Variants in OR5H14 observed in about 807,000 individuals in gnomAD.
OR5H14 encodes olfactory receptor 5H14.
For synonymous variants in OR5H14, 155 were observed against 130.6 expected (o/e 1.19, Z -1.28); for missense variants, 392 against 363.9 (o/e 1.08, Z -0.63).
chr3:98,153,591 AAAAG>A lies in OR5H14; in HGVS notation c.*3278_*3281del, dbSNP rs1329453539. On this transcript the variant is annotated 3_prime_UTR_variant, in exon 2 of 2. Coordinates refer to ENST00000641380, the MANE Select transcript of OR5H14 (RefSeq NM_001005514.2). Reference sequence around the variant, plus strand: ...GAGTGAGACACTGTCTCAGAAAAAGAAAAGAAAGTTAGTGGTTATAGCAATCTAT... The same window carrying A: ...GAGTGAGACACTGTCTCAGAAAAAGAAAAGTTAGTGGTTATAGCAATCTAT... 1 of 152,212 alleles carries A rather than the reference AAAAG, an allele frequency of 6.6e-6. No individual in the cohort carries two copies. Among genetic ancestry groups the A allele is most frequent in the African/African-American group, 2.4e-5 (1 of 41,460 alleles). The allele number at this position is 152,212 out of a possible 1,614,324, so 9.4% of individuals were successfully genotyped here. A position where few individuals can be genotyped will look rare whatever the true frequency, so the allele number is the denominator to read the frequency against.
intron 1 of OR5H14, 92 bp from the exon 2 acceptor site, chr3:98,149,276 T>C (rs1708463475): frequency 7.5e-7 from 1 of 1,330,012 alleles, no homozygotes; most frequent in Admixed American, 2.3e-5. Flanking sequence ...GAGTCTCTGA[T>C]AATTGCACAC....
In OR5H14 at chr3:98,152,043, T is replaced by C. The variant is rs1305554419; in HGVS notation, c.*1725T>C. The C allele has an allele frequency of 2.0e-5, 3 of 152,152 alleles. No individual in the cohort carries two copies. Among genetic ancestry groups the C allele is most frequent in the Non-Finnish European group, 4.4e-5 (3 of 68,014 alleles). 9.4% of individuals were successfully genotyped at this position (152,152 alleles called of 1,614,324 possible). A position where few individuals can be genotyped will look rare whatever the true frequency, so the allele number is the denominator to read the frequency against. Reference sequence around the variant, plus strand: ...AAGACATTTATGCAACCAGCAAGCATGTGAAAACCTTGTCATCACTGGTCA... The same window carrying C: ...AAGACATTTATGCAACCAGCAAGCACGTGAAAACCTTGTCATCACTGGTCA... On this transcript the variant is annotated 3_prime_UTR_variant, in exon 2 of 2. Coordinates refer to ENST00000641380, the MANE Select transcript of OR5H14 (RefSeq NM_001005514.2).
At position 98,150,431 on chromosome 3, in the gene OR5H14, G is replaced by T. The variant is rs57747294; in HGVS notation, c.*113G>T. 1.6e-6 allele frequency: 1 copy of T among 617,778 alleles called. No individual in the cohort carries two copies. The allele number at this position is 617,778 out of a possible 1,614,324, so 38.3% of individuals were successfully genotyped here. On this transcript the variant is annotated 3_prime_UTR_variant, in exon 2 of 2. Coordinates refer to ENST00000641380, the MANE Select transcript of OR5H14 (RefSeq NM_001005514.2). ...ATTTTGCAATTATAACTGTCCTAGC[G>T]CTTTAATGACCTATGATATAAGCAC...
Position 98,149,930 on chromosome 3 carries a change from T to A in OR5H14, c.545T>A (p.Ile182Asn). The change falls in exon 2 of 2, where the codon ATC (isoleucine) becomes AAC (asparagine). Residue 182 changes from isoleucine (I) to asparagine (N), a missense_variant. Coordinates refer to ENST00000641380, the MANE Select transcript of OR5H14 (RefSeq NM_001005514.2). The stretch of plus-strand genomic sequence containing the variant: ...ATACAACACTTTTACTGTGACATTA[T>A]CCCATTGTTAAAGATTTCTTATACT... ...NIIQHFYCDIIPLLKISYTDS... is the reference protein window; with the variant it reads ...NIIQHFYCDINPLLKISYTDS... The A allele has an allele frequency of 6.2e-7, 1 of 1,613,490 alleles. No homozygotes were observed. Among genetic ancestry groups the A allele is most frequent in the Non-Finnish European group, 8.5e-7 (1 of 1,179,696 alleles).
Position 98,150,333 on chromosome 3 carries a change from C to A in OR5H14, c.*15C>A, listed in dbSNP as rs767580730. 2 of 1,469,590 alleles carry A rather than the reference C, an allele frequency of 1.4e-6. No individual in the cohort carries two copies. Among genetic ancestry groups the A allele is most frequent in the African/African-American group, 1.4e-5 (1 of 70,276 alleles). 91.0% of individuals were successfully genotyped at this position (1,469,590 alleles called of 1,614,324 possible). A position where few individuals can be genotyped will look rare whatever the true frequency, so the allele number is the denominator to read the frequency against. The stretch of plus-strand genomic sequence containing the variant: ...ATGATGTTTAGATCATTACTAATAT[C>A]TCTTTTCTATTTACTAAAATGTCAC... On this transcript the variant is annotated 3_prime_UTR_variant, in exon 2 of 2. Coordinates refer to ENST00000641380, the MANE Select transcript of OR5H14 (RefSeq NM_001005514.2).
chr3:98,149,574 T>C lies in OR5H14; in HGVS notation c.189T>C (p.Leu63=), dbSNP rs77954988. ...PHLHIPMYLL[L]GNLAFVDALL... is the part of the protein sequence containing the mutation. The stretch of plus-strand genomic sequence containing the variant: ...TTCATATCCCAATGTACTTACTCCT[T>C]GGGAATTTAGCTTTTGTGGATGCTT... Residue 63 remains leucine, a synonymous_variant, in exon 2 of 2, where the codon CTT becomes CTC. Coordinates refer to ENST00000641380, the MANE Select transcript of OR5H14 (RefSeq NM_001005514.2). 10,091 of 1,613,474 alleles carry C rather than the reference T, an allele frequency of 6.3e-3. 388 individuals are homozygous for C. The African/African-American group carries it at 0.099, about 16-fold the overall frequency.
rs753253332 is a variant in OR5H14, at chr3:98,149,535, G to A, written c.150G>A (p.Trp50Ter). ...ATCTTGGTCTGATTGCTGTCATCTGGAAAGACCCTCATCTTCATATCCCAA... is the reference window on the plus strand; with the variant it reads ...ATCTTGGTCTGATTGCTGTCATCTGAAAAGACCCTCATCTTCATATCCCAA... ...MGNLGLIAVI[W>*]KDPHLHIPMY... Residue 50 changes from tryptophan (W) to a stop codon, truncating the protein, a stop_gained, in exon 2 of 2, where the codon TGG (tryptophan) becomes TGA (stop). Coordinates refer to ENST00000641380, the MANE Select transcript of OR5H14 (RefSeq NM_001005514.2). LOFTEE classifies it low-confidence loss of function (END_TRUNC). 2.5e-6 allele frequency: 4 copies of A among 1,613,354 alleles called. No individual in the cohort carries two copies. Among genetic ancestry groups the A allele is most frequent in the Non-Finnish European group, 3.4e-6 (4 of 1,179,574 alleles).
Position 98,154,433 on chromosome 3 carries a change from A to G in OR5H14, c.*4115A>G, listed in dbSNP as rs1708555396. 2 of 152,242 alleles carry G rather than the reference A, an allele frequency of 1.3e-5. No individual in the cohort carries two copies. Among genetic ancestry groups the G allele is most frequent in the Non-Finnish European group, 2.9e-5 (2 of 68,044 alleles). 9.4% of individuals were successfully genotyped at this position (152,242 alleles called of 1,614,324 possible). A position where few individuals can be genotyped will look rare whatever the true frequency, so the allele number is the denominator to read the frequency against. On this transcript the variant is annotated 3_prime_UTR_variant, in exon 2 of 2. Coordinates refer to ENST00000641380, the MANE Select transcript of OR5H14 (RefSeq NM_001005514.2). ...CTGGAAGAATTCTAAATTCCACAGA[A>G]AATGTCTGGCACTTTTGTTTGGGAC...
Position 98,150,334 on chromosome 3 carries a change from T to A in OR5H14, c.*16T>A. ...TGATGTTTAGATCATTACTAATATCTCTTTTCTATTTACTAAAATGTCACA... is the reference window on the plus strand; with the variant it reads ...TGATGTTTAGATCATTACTAATATCACTTTTCTATTTACTAAAATGTCACA... On this transcript the variant is annotated 3_prime_UTR_variant, in exon 2 of 2. Transcript: ENST00000641380. 1 of 1,459,332 alleles carries A rather than the reference T, an allele frequency of 6.9e-7. No homozygotes were observed. Among genetic ancestry groups the A allele is most frequent in the Non-Finnish European group, 9.2e-7 (1 of 1,090,802 alleles). The allele number at this position is 1,459,332 out of a possible 1,614,324, so 90.4% of individuals were successfully genotyped here.
Position 98,153,215 on chromosome 3 carries a change from A to T in OR5H14, c.*2897A>T, listed in dbSNP as rs1708532733. On this transcript the variant is annotated 3_prime_UTR_variant, in exon 2 of 2. Coordinates refer to ENST00000641380, the MANE Select transcript of OR5H14 (RefSeq NM_001005514.2). ...ACAATGATGACCCCTTGAGGAAAATACCAAGGAACTGGGGAGTACTCCATA... is the reference window on the plus strand; with the variant it reads ...ACAATGATGACCCCTTGAGGAAAATTCCAAGGAACTGGGGAGTACTCCATA... 6.6e-6 allele frequency: 1 copy of T among 152,238 alleles called. No homozygotes were observed. Among genetic ancestry groups the T allele is most frequent in the South Asian group, 2.1e-4 (1 of 4,832 alleles). The allele number at this position is 152,238 out of a possible 1,614,324, so 9.4% of individuals were successfully genotyped here. A position where few individuals can be genotyped will look rare whatever the true frequency, so the allele number is the denominator to read the frequency against.
In OR5H14 at chr3:98,149,680, A is replaced by T. The variant is rs149199670; in HGVS notation, c.295A>T (p.Ile99Leu). 1,455 of 1,613,390 alleles carry T rather than the reference A, an allele frequency of 9.0e-4. 1 individual carries two copies. Among genetic ancestry groups the T allele is most frequent in the Middle Eastern group, 3.8e-3 (23 of 6,046 alleles). The change falls in exon 2 of 2, where the codon ATA (isoleucine) becomes TTA (leucine). Residue 99 changes from isoleucine (I) to leucine (L), a missense_variant. Coordinates refer to ENST00000641380, the MANE Select transcript of OR5H14 (RefSeq NM_001005514.2). The part of the protein sequence containing the change: ...SKMISLSECK[I>L]QLFSFAISVT... The stretch of plus-strand genomic sequence containing the variant: ...GATGATATCTCTCTCTGAATGCAAG[A>T]TACAGTTGTTTTCGTTTGCAATCAG...
intron 1 of OR5H14, 168 bp from the exon 2 acceptor site, chr3:98,149,200 A>G (rs914172091): frequency 2.7e-6 from 2 of 754,004 alleles, no homozygotes; most frequent in Non-Finnish European, 2.1e-6. Flanking sequence ...AAACTAAAAT[A>G]TGACATTTTT....
chr3:98,156,263 A>G lies in OR5H14; in HGVS notation c.*5945A>G, dbSNP rs1216375274. 6.6e-6 allele frequency: 1 copy of G among 152,168 alleles called. No homozygotes were observed. Among genetic ancestry groups the G allele is most frequent in the African/African-American group, 2.4e-5 (1 of 41,460 alleles). The allele number at this position is 152,168 out of a possible 1,614,324, so 9.4% of individuals were successfully genotyped here. On this transcript the variant is annotated 3_prime_UTR_variant, in exon 2 of 2. Transcript: ENST00000641380. ...TTTTAAAGGATCTCCATAATTTCTT[A>G]TGATATTAGTAAAAGAGAAATTATT...
In OR5H14 at chr3:98,152,454, G is replaced by A. The variant is rs982014415; in HGVS notation, c.*2136G>A. The A allele has an allele frequency of 6.6e-6, 1 of 152,148 alleles. No homozygotes were observed. The highest frequency in any genetic ancestry group is 2.4e-5 in the African/African-American group (1 of 41,410). The allele number at this position is 152,148 out of a possible 1,614,324, so 9.4% of individuals were successfully genotyped here. A position where few individuals can be genotyped will look rare whatever the true frequency, so the allele number is the denominator to read the frequency against. On this transcript the variant is annotated 3_prime_UTR_variant, in exon 2 of 2. Coordinates refer to ENST00000641380, the MANE Select transcript of OR5H14 (RefSeq NM_001005514.2). ...GAAAATGTGGCAAATATACACCATGGAATACTATGCAGCCATAAAAAAGAA... is the reference window on the plus strand; with the variant it reads ...GAAAATGTGGCAAATATACACCATGAAATACTATGCAGCCATAAAAAAGAA...
Position 98,150,364 on chromosome 3 carries a change from T to C in OR5H14, c.*46T>C. ...TCTATTTACTAAAATGTCACAAAATTGTGCAAATTAGAGGTACCTATGTTT... is the reference window on the plus strand; with the variant it reads ...TCTATTTACTAAAATGTCACAAAATCGTGCAAATTAGAGGTACCTATGTTT... On this transcript the variant is annotated 3_prime_UTR_variant, in exon 2 of 2. Transcript: ENST00000641380. 7.4e-7 allele frequency: 1 copy of C among 1,350,694 alleles called. No homozygotes were observed. 83.7% of individuals were successfully genotyped at this position (1,350,694 alleles called of 1,614,324 possible).
At chr3:98,149,029 G>A (rs546059241) in intron 1 of OR5H14, among the ~76,000 whole-genome samples, 70 of 152,000 alleles carry the variant, frequency 4.6e-4, no homozygotes, top group African/African-American at 1.7e-3. Flanking sequence ...GATTCTTCAC[G>A]TGGCATTTAT....
At position 98,150,290 on chromosome 3, in the gene OR5H14, C is replaced by CA. The variant is rs1442219300; in HGVS notation, c.910dup (p.Met304AsnfsTer6). On this transcript the variant is annotated frameshift_variant, in exon 2 of 2. Coordinates refer to ENST00000641380, the MANE Select transcript of OR5H14 (RefSeq NM_001005514.2). LOFTEE classifies it high-confidence loss of function. ...AACAAGCAAGTAATAGCTTCATTCA[C>CA]AAAAATGTTCAAAAGAAATGATGTT... 1 of 1,578,386 alleles carries CA rather than the reference C, an allele frequency of 6.3e-7. No individual in the cohort carries two copies. The highest frequency in any genetic ancestry group is 1.9e-5 in the Admixed American group (1 of 52,928).
chr3:98,149,230 A>T lies in OR5H14; in HGVS notation c.-18-138A>T. On this transcript the variant is annotated intron_variant, in intron 1 of 1. Coordinates refer to ENST00000641380, the MANE Select transcript of OR5H14 (RefSeq NM_001005514.2). ...ATTTTTTTCATTTCTTTAACCCCTT[A>T]TAGGATTTCTTATTTATAATAATGA... 13 of 945,962 alleles carry T rather than the reference A, an allele frequency of 1.4e-5. 1 individual carries two copies. The South Asian group carries it at 2.3e-4, about 17-fold the overall frequency. The allele number at this position is 945,962 out of a possible 1,614,324, so 58.6% of individuals were successfully genotyped here. A position where few individuals can be genotyped will look rare whatever the true frequency, so the allele number is the denominator to read the frequency against.
rs1257435858 is a variant in OR5H14 at position 98,156,371 on chromosome 3, A to G, written c.*6053A>G. Reference sequence around the variant, plus strand: ...TTTGTATTTGGATCACAGCATGCTAAGATTGCTGGGAACAAATGGAACCAA... The same window carrying G: ...TTTGTATTTGGATCACAGCATGCTAGGATTGCTGGGAACAAATGGAACCAA... On this transcript the variant is annotated 3_prime_UTR_variant, in exon 2 of 2. Transcript: ENST00000641380. The G allele has an allele frequency of 2.6e-5, 4 of 152,176 alleles. No individual in the cohort carries two copies. Among genetic ancestry groups the G allele is most frequent in the African/African-American group, 4.8e-5 (2 of 41,462 alleles). The allele number at this position is 152,176 out of a possible 1,614,324, so 9.4% of individuals were successfully genotyped here. A position where few individuals can be genotyped will look rare whatever the true frequency, so the allele number is the denominator to read the frequency against.
Sources: allele counts gnomAD v4.1 joint callset (sites outside exome capture counted in the v4.1 genomes callset), GRCh38; gene constraint gnomAD v4.1.1; transcripts MANE v1.5; gene names NCBI Gene and HGNC (gene_info 2026-07-23, HGNC 2026-07-21).